The following FOXN1 variants were observed in gnomAD, a reference collection of about 807,000 sequenced individuals.
FOXN1 encodes the protein forkhead box N1.
FOXN1 carries 15 observed loss-of-function variants against 49.0 expected under a neutral mutation model. The observed-to-expected ratio is 0.31, with a 90% confidence interval of 0.20 to 0.47. The LOEUF (loss-of-function observed/expected upper bound fraction) is 0.47. Ranked by LOEUF, FOXN1 falls within the 20% of genes least tolerant of loss-of-function variation. FOXN1 has a pLI of 1.00. For missense variants in FOXN1, 800 were observed against 842.8 expected (o/e 0.95, Z 0.63); for synonymous variants, 356 against 369.0 (o/e 0.96, Z 0.40).
chr17:28,518,837 G>T (rs371157152), intron 1 of FOXN1, among the ~76,000 whole-genome samples: 189 of 152,240 alleles, frequency 1.2e-3, no homozygotes, highest in Non-Finnish European at 2.3e-3. Context: ...GTAACCCTGC[G>T]CAGGTCATTT....
At chr17:28,507,280 T>G (rs2069283931) in intron 1 of FOXN1, among the ~76,000 whole-genome samples, 1 of 152,156 alleles carries the variant, frequency 6.6e-6, no homozygotes. Context: ...TCAGATAAGG[T>G]TCTGGCATTC....
rs533676989 is a variant in FOXN1 at position 28,522,944 on chromosome 17, C to T, written c.-14-1012C>T. Among the ~76,000 whole-genome samples, 34 of 152,290 alleles carry T rather than the reference C, an allele frequency of 2.2e-4. No individual in the cohort carries two copies. The East Asian group carries it at 4.0e-3, about 18-fold the overall frequency. On this transcript the variant is annotated intron_variant, in intron 1 of 8. Coordinates refer to ENST00000579795, the MANE Select transcript of FOXN1 (RefSeq NM_001369369.1). Reference sequence around the variant, plus strand: ...CAGGCACTGTGCTGAATGCTTTCTGCGCATGATTTTGTTTGACACTCACAA... The same window carrying T: ...CAGGCACTGTGCTGAATGCTTTCTGTGCATGATTTTGTTTGACACTCACAA...
chr17:28,537,731 G>A lies in FOXN1; in HGVS notation c.*295G>A. The A allele has an allele frequency of 5.6e-6, 3 of 531,874 alleles. No individual in the cohort carries two copies. The highest frequency in any genetic ancestry group is 1.0e-5 in the Non-Finnish European group (3 of 291,620). 32.9% of individuals were successfully genotyped at this position (531,874 alleles called of 1,614,324 possible). A position where few individuals can be genotyped will look rare whatever the true frequency, so the allele number is the denominator to read the frequency against. On this transcript the variant is annotated 3_prime_UTR_variant, in exon 9 of 9. Coordinates refer to ENST00000579795, the MANE Select transcript of FOXN1 (RefSeq NM_001369369.1). ...CTAGCTCACACTCATCCACACTTAA[G>A]CCCTCGTGCACACACACAAATTATT...
rs2069599216 is a variant in FOXN1, at chr17:28,519,592, C to G, written c.-14-4364C>G. 2.0e-5 allele frequency among the ~76,000 whole-genome samples: 3 copies of G among 152,132 alleles called. No homozygotes were observed. In the South Asian group the frequency reaches 6.2e-4, roughly 32 times the overall value. ...ACTTGCACACACATCCCATCCAGTT[C>G]CAGTGCTCCCTGAAACTGGAACAGG... On this transcript the variant is annotated intron_variant, in intron 1 of 8. Coordinates refer to ENST00000579795, the MANE Select transcript of FOXN1 (RefSeq NM_001369369.1).
At chr17:28,524,171 C>T (rs2069709251) in intron 2 of FOXN1, 79 bp downstream of exon 2, 11 of 1,451,282 alleles carry the variant, frequency 7.6e-6, no homozygotes, top group Admixed American at 6.2e-5. Context: ...GTCACCTTAC[C>T]GCCCCCAGGG....
intron 4 of FOXN1, among the ~76,000 whole-genome samples, chr17:28,527,632 G>A (rs541918281): frequency 9.8e-5 from 15 of 152,314 alleles, no homozygotes; most frequent in African/African-American, 3.6e-4. Flanking sequence ...ATGGAGGCAG[G>A]GCTGTGATGT....
chr17:28,517,559 A>G lies in FOXN1; in HGVS notation c.-14-6397A>G, dbSNP rs111695019. 1.9e-3 allele frequency among the ~76,000 whole-genome samples: 277 copies of G among 148,318 alleles called. 3 individuals are homozygous for G. Among genetic ancestry groups the G allele is most frequent in the African/African-American group, 6.5e-3 (256 of 39,186 alleles). ...CACAGGGTACATGCCTGCACAGGGT[A>G]CACACCTCCACAGGATCCATACCTC... On this transcript the variant is annotated intron_variant, in intron 1 of 8. Transcript: ENST00000579795.
intron 6 of FOXN1, among the ~76,000 whole-genome samples, chr17:28,533,485 A>AACCCC (rs2069965772): frequency 7.9e-6 from 1 of 126,380 alleles, no homozygotes; most frequent in African/African-American, 3.0e-5. Flanking sequence ...TGGCACGAGC[A>AACCCC]CCCCCCCCCA....
Position 28,537,643 on chromosome 17 carries a change from C to T in FOXN1, c.*207C>T, listed in dbSNP as rs2070105270. 5 of 630,112 alleles carry T rather than the reference C, an allele frequency of 7.9e-6. No homozygotes were observed. Among genetic ancestry groups the T allele is most frequent in the East Asian group, 5.5e-5 (2 of 36,388 alleles). 39.0% of individuals were successfully genotyped at this position (630,112 alleles called of 1,614,324 possible). On this transcript the variant is annotated 3_prime_UTR_variant, in exon 9 of 9. Transcript: ENST00000579795. ...CTCACACATTTCTGCCACGTGGTGG[C>T]CCAGCTCCTCACCCAGGGCCCCCAA...
intron 1 of FOXN1, among the ~76,000 whole-genome samples, chr17:28,510,515 G>A (rs1242019368): frequency 6.8e-6 from 1 of 148,036 alleles, no homozygotes; most frequent in Non-Finnish European, 1.5e-5. Context: ...GACTGCACCA[G>A]CCCATCAGTC....
intron 1 of FOXN1, among the ~76,000 whole-genome samples, chr17:28,518,415 G>A (rs2069575283): frequency 3.3e-5 from 5 of 152,246 alleles, no homozygotes; most frequent in Admixed American, 3.3e-4. Context: ...GAGTCCTAAG[G>A]AGCCAAGAGA....
chr17:28,534,467 A>G lies in FOXN1; in HGVS notation c.1064A>G (p.Lys355Arg), dbSNP rs763859965. The change falls in exon 7 of 9, where the codon AAG becomes AGG. Residue 355 changes from lysine to arginine, a missense_variant. Lys to Arg is a conservative substitution (Grantham distance 26, BLOSUM62 2). Transcript: ENST00000579795. The surrounding 1 kb of genome is among the most constrained non-coding windows in gnomAD (Gnocchi z 4.1). ...GCCCTCAATCCGGCCAAGATCGACA[A>G]GATGCAAGAGGAGCTGCAAAAATGG... ...LWALNPAKID[K>R]MQEELQKWKR... is the part of the protein sequence containing the mutation. The G allele has an allele frequency of 6.2e-7, 1 of 1,614,152 alleles. No individual in the cohort carries two copies. The highest frequency in any genetic ancestry group is 1.7e-5 in the Admixed American group (1 of 60,032).
At chr17:28,518,484 G>T (rs539115687) in intron 1 of FOXN1, among the ~76,000 whole-genome samples, 1 of 152,358 alleles carries the variant, frequency 6.6e-6, no homozygotes, top group South Asian at 2.1e-4. Context: ...CCGGCTGTTT[G>T]TGAGAAGGGC....
chr17:28,508,471 C>A (rs181633664), intron 1 of FOXN1, among the ~76,000 whole-genome samples: 1 of 152,298 alleles, frequency 6.6e-6, no homozygotes, highest in East Asian at 1.9e-4. Context: ...CCCATCTGGC[C>A]TCTAAGAAAG....
At position 28,517,025 on chromosome 17, in the gene FOXN1, G is replaced by T. The variant is rs1385249544; in HGVS notation, c.-14-6931G>T. On this transcript the variant is annotated intron_variant, in intron 1 of 8. Coordinates refer to ENST00000579795, the MANE Select transcript of FOXN1 (RefSeq NM_001369369.1). ...TCCACAGGATCCATACCATCACAGGGTACACGCCTCCACAGAGTACATACC... is the reference window on the plus strand; with the variant it reads ...TCCACAGGATCCATACCATCACAGGTTACACGCCTCCACAGAGTACATACC... Among the ~76,000 whole-genome samples, 2 of 42,794 alleles carry T rather than the reference G, an allele frequency of 4.7e-5. 1 individual carries two copies. The highest frequency in any genetic ancestry group is 1.3e-4 in the Non-Finnish European group (2 of 15,122). The allele number at this position is 42,794 out of a possible 152,430, so 28.1% of individuals were successfully genotyped here.
intron 1 of FOXN1, among the ~76,000 whole-genome samples, chr17:28,512,624 G>A (rs1032123878): frequency 2.0e-5 from 3 of 152,220 alleles, no homozygotes; most frequent in Admixed American, 2.0e-4. Context: ...GAAGGTGGAG[G>A]TGGGAGAACC....
chr17:28,524,516 T>C lies in FOXN1; in HGVS notation c.137T>C (p.Phe46Ser). The C allele has an allele frequency of 6.2e-7, 1 of 1,613,708 alleles. No homozygotes were observed. The highest frequency in any genetic ancestry group is 8.5e-7 in the Non-Finnish European group (1 of 1,180,002). ...SPAPQSKHAG[F>S]SCSSFVSDGP... ...CTGTCTACCCAGAAGCATGCCGGCT[T>C]CAGCTGCTCGTCATTTGTGTCCGAC... The change falls in exon 3 of 9, where the codon TTC (phenylalanine) becomes TCC (serine). Residue 46 changes from phenylalanine (F) to serine (S), a missense_variant. Physicochemically the swap from Phe to Ser is radical, Grantham distance 155. This residue lies in a region of FOXN1 where 383 missense variants were observed against 357.9 expected (regional missense o/e 1.07). Coordinates refer to ENST00000579795, the MANE Select transcript of FOXN1 (RefSeq NM_001369369.1).
At position 28,534,139 on chromosome 17, in the gene FOXN1, G is replaced by C. The variant is rs1185162206; in HGVS notation, c.928-192G>C. ...GAGATGAAAATAACTTGGGGTCAAG[G>C]TTCCTGTTCACCCGTCCCCTACCAC... On this transcript the variant is annotated intron_variant, in intron 6 of 8. Coordinates refer to ENST00000579795, the MANE Select transcript of FOXN1 (RefSeq NM_001369369.1). The surrounding 1 kb of genome is among the most constrained non-coding windows in gnomAD (Gnocchi z 4.1). Among the ~76,000 whole-genome samples, 3 of 152,154 alleles carry C rather than the reference G, an allele frequency of 2.0e-5. No individual in the cohort carries two copies. The highest frequency in any genetic ancestry group is 6.5e-5 in the Admixed American group (1 of 15,272).
At chr17:28,519,326 C>G (rs745641778) in intron 1 of FOXN1, among the ~76,000 whole-genome samples, 5 of 149,878 alleles carry the variant, frequency 3.3e-5, no homozygotes, top group Non-Finnish European at 7.4e-5. Flanking sequence ...AAGACCTTGT[C>G]TCAAAAAAAA....
Sources: allele counts gnomAD v4.1 joint callset (sites outside exome capture counted in the v4.1 genomes callset), GRCh38; gene constraint gnomAD v4.1.1; regional missense constraint gnomAD v4.1.1; non-coding constraint Gnocchi (gnomAD v3.1); transcripts MANE v1.5; gene names NCBI Gene and HGNC (gene_info 2026-07-23, HGNC 2026-07-21).